ITPK1: variants seen among roughly 807,000 people sequenced by gnomAD.
The protein encoded by ITPK1 is inositol 1,3,4-trisphosphate 5/6-kinase.
Under a neutral mutation model 45.3 loss-of-function variants are expected in ITPK1, and 21 were observed. The ratio of observed to expected loss-of-function variants is 0.46; its 90% confidence interval spans 0.33 to 0.67. The LOEUF is 0.67. Among genes scored for constraint, ITPK1 ranks in the 30% least tolerant of loss-of-function variants. ITPK1 has a pLI of 0.02. For missense variants in ITPK1, 474 were observed against 573.5 expected (o/e 0.83, Z 1.77); for synonymous variants, 258 against 253.6 (o/e 1.02, Z -0.16).
At position 92,965,160 on chromosome 14, in the gene ITPK1, T is replaced by C. The variant is rs113988689; in HGVS notation, c.365-2311A>G. On this transcript the variant is annotated intron_variant, in intron 5 of 10. Coordinates refer to ENST00000267615, the MANE Select transcript of ITPK1 (RefSeq NM_014216.6). Reference sequence around the variant, plus strand: ...CCATGGAGCTCCCTGGCTCAGGGGGTTCCTGACAGCATGCTACTCTGCTCT... The same window carrying C: ...CCATGGAGCTCCCTGGCTCAGGGGGCTCCTGACAGCATGCTACTCTGCTCT... Among the ~76,000 whole-genome samples, 1,362 of 152,074 alleles carry C rather than the reference T, an allele frequency of 9.0e-3. 17 individuals are homozygous for C. The highest frequency in any genetic ancestry group is 0.031 in the African/African-American group (1,279 of 41,454).
intron 3 of ITPK1, among the ~76,000 whole-genome samples, chr14:93,025,167 G>A (rs910472140): frequency 2.6e-5 from 4 of 152,004 alleles, no homozygotes; most frequent in Non-Finnish European, 5.9e-5. Flanking sequence ...CCATCCTGCC[G>A]GCCACCGACA....
chr14:93,106,263 T>C (rs894081758), intron 2 of ITPK1, among the ~76,000 whole-genome samples: 1 of 145,706 alleles, frequency 6.9e-6, no homozygotes, highest in African/African-American at 2.5e-5. Flanking sequence ...TTTGTCTTCC[T>C]ATCCCTGGCC....
intron 5 of ITPK1, among the ~76,000 whole-genome samples, chr14:92,983,525 AG>A (rs1424588504): frequency 2.0e-5 from 3 of 152,248 alleles, no homozygotes; most frequent in Non-Finnish European, 4.4e-5. Flanking sequence ...ACTAAAAAAT[AG>A]GCAAACAACA....
intron 5 of ITPK1, among the ~76,000 whole-genome samples, chr14:92,970,820 A>G (rs1352332052): frequency 6.6e-6 from 1 of 152,034 alleles, no homozygotes; most frequent in Admixed American, 6.6e-5. Context: ...TTTTTTTAGT[A>G]GAGATGGGGT....
chr14:92,946,518 G>C (rs1887698615), intron 9 of ITPK1, 25 bp from the exon 10 acceptor site: 2 of 1,609,100 alleles, frequency 1.2e-6, no homozygotes, highest in Non-Finnish European at 1.7e-6. Flanking sequence ...AAGGAAGTCA[G>C]GCCATGGGCC....
intron 5 of ITPK1, among the ~76,000 whole-genome samples, chr14:92,970,492 C>T (rs368137352): frequency 6.6e-6 from 1 of 152,226 alleles, no homozygotes; most frequent in Non-Finnish European, 1.5e-5. Flanking sequence ...CTTAGAGCTG[C>T]GCTCAGTCCT....
At chr14:93,105,545 C>T (rs1388520029) in intron 2 of ITPK1, among the ~76,000 whole-genome samples, 1 of 131,396 alleles carries the variant, frequency 7.6e-6, no homozygotes, top group Non-Finnish European at 1.6e-5. Flanking sequence ...TTTTTGGAGA[C>T]GGAGTCTTGC....
At chr14:92,965,167 C>T (rs755255133) in intron 5 of ITPK1, among the ~76,000 whole-genome samples, 4 of 152,222 alleles carry the variant, frequency 2.6e-5, no homozygotes, top group Non-Finnish European at 4.4e-5. Flanking sequence ...GGGTTCCTGA[C>T]AGCATGCTAC....
intron 3 of ITPK1, among the ~76,000 whole-genome samples, chr14:93,017,407 GCAAT>G (rs1276030540): frequency 6.6e-6 from 1 of 152,232 alleles, no homozygotes; most frequent in Non-Finnish European, 1.5e-5. Context: ...AGGGCTGCCT[GCAAT>G]CTGTTCCATA....
chr14:92,958,701 T>A lies in ITPK1; in HGVS notation c.505-335A>T, dbSNP rs114275006. ...GAAGGGGGCCGCTGAGGTTGTGTGC[T>A]GCTCAACCCTCTGACATCCTAAAGG... On this transcript the variant is annotated intron_variant, in intron 7 of 10. Coordinates refer to ENST00000267615, the MANE Select transcript of ITPK1 (RefSeq NM_014216.6). This position sits in a 1 kb window ranked among gnomAD's most constrained non-coding sequence, Gnocchi z 4.4. Among the ~76,000 whole-genome samples the A allele has an allele frequency of 0.012, 1,775 of 152,308 alleles. 51 individuals carry two copies. The highest frequency in any genetic ancestry group is 0.041 in the African/African-American group (1,694 of 41,562).
intron 3 of ITPK1, among the ~76,000 whole-genome samples, chr14:93,025,054 A>T (rs1888670147): frequency 6.6e-6 from 1 of 152,170 alleles, no homozygotes; most frequent in African/African-American, 2.4e-5. Flanking sequence ...ACAATTCTGA[A>T]ATCCTAGCTG....
rs781091690 is a variant in ITPK1, at chr14:92,993,953, G to C, written c.291C>G (p.Leu97=). 6 of 1,614,028 alleles carry C rather than the reference G, an allele frequency of 3.7e-6. No homozygotes were observed. The highest frequency in any genetic ancestry group is 1.6e-4 in the Middle Eastern group (1 of 6,062). The part of the protein sequence containing the change: ...AHPETIVLDP[L]PAIRTLLDRS... Reference sequence around the variant, plus strand: ...GGTCAAGCAGGGTTCTGATGGCAGGGAGCGGGTCCAGGACGATGGTCTCAG... The same window carrying C: ...GGTCAAGCAGGGTTCTGATGGCAGGCAGCGGGTCCAGGACGATGGTCTCAG... Residue 97 remains leucine, a synonymous_variant, in exon 5 of 11, where the codon CTC becomes CTG. Transcript: ENST00000267615.
chr14:93,073,121 T>C (rs1891090050), intron 3 of ITPK1, among the ~76,000 whole-genome samples: 1 of 152,208 alleles, frequency 6.6e-6, no homozygotes, highest in Non-Finnish European at 1.5e-5. Context: ...TGCCAATTAC[T>C]TCACCCAAAG....
In ITPK1 at chr14:93,032,638, C is replaced by T. The variant is rs1889128114; in HGVS notation, c.121-15837G>A. On this transcript the variant is annotated intron_variant, in intron 3 of 10. Coordinates refer to ENST00000267615, the MANE Select transcript of ITPK1 (RefSeq NM_014216.6). The surrounding 1 kb of genome is among the most constrained non-coding windows in gnomAD (Gnocchi z 4.0). ...ACCCACATCTGACCTGCCCCACCCT[C>T]AATGGGAGGAAGTCCCCCAGGGACC... 6.6e-6 allele frequency among the ~76,000 whole-genome samples: 1 copy of T among 152,198 alleles called. No homozygotes were observed. Among genetic ancestry groups the T allele is most frequent in the Admixed American group, 6.5e-5 (1 of 15,288 alleles).
rs1395848116 is a variant in ITPK1 at position 93,032,280 on chromosome 14, G to A, written c.121-15479C>T. 6.6e-6 allele frequency among the ~76,000 whole-genome samples: 1 copy of A among 152,092 alleles called. No homozygotes were observed. Among genetic ancestry groups the A allele is most frequent in the Non-Finnish European group, 1.5e-5 (1 of 68,028 alleles). Reference sequence around the variant, plus strand: ...CAGGAGAATCACTTGAACCCAGGAGGCGGAGGTTGCAGTGAGCCGAGATTA... The same window carrying A: ...CAGGAGAATCACTTGAACCCAGGAGACGGAGGTTGCAGTGAGCCGAGATTA... On this transcript the variant is annotated intron_variant, in intron 3 of 10. Transcript: ENST00000267615. The surrounding 1 kb of genome is among the most constrained non-coding windows in gnomAD (Gnocchi z 4.0).
At chr14:92,947,924 G>A (rs1205597989) in intron 9 of ITPK1, among the ~76,000 whole-genome samples, 5 of 152,176 alleles carry the variant, frequency 3.3e-5, no homozygotes, top group South Asian at 2.1e-4. Context: ...CACGCTCACC[G>A]TGGTGTTATT....
At chr14:92,951,511 G>A (rs1887953434) in intron 9 of ITPK1, among the ~76,000 whole-genome samples, 1 of 152,196 alleles carries the variant, frequency 6.6e-6, no homozygotes, top group Non-Finnish European at 1.5e-5. Context: ...AGTGCTGGGG[G>A]CAGGGTAACA....
intron 5 of ITPK1, among the ~76,000 whole-genome samples, chr14:92,965,402 G>A (rs1165445479): frequency 6.6e-6 from 1 of 152,112 alleles, no homozygotes; most frequent in African/African-American, 2.4e-5. Context: ...CCCAGTGAAA[G>A]ACTAGACACT....
At chr14:92,998,043 A>G (rs971863348) in intron 4 of ITPK1, among the ~76,000 whole-genome samples, 23 of 152,186 alleles carry the variant, frequency 1.5e-4, no homozygotes, top group African/African-American at 5.3e-4. Context: ...GCTCCTTCTA[A>G]TGGAAAATGC....
Sources: gnomAD v4.1 joint callset for allele counts (sites outside exome capture counted in the v4.1 genomes callset) on GRCh38, gnomAD v4.1.1 for gene constraint, Gnocchi (gnomAD v3.1) non-coding constraint, MANE v1.5 for transcripts, NCBI Gene and HGNC (gene_info 2026-07-23, HGNC 2026-07-21) for gene names.